ADGRG6: variants seen among roughly 807,000 people sequenced by gnomAD.
The protein encoded by ADGRG6 is adhesion G protein-coupled receptor G6, also known as G-protein coupled receptor 126.
In ADGRG6, 84 loss-of-function variants were observed where a neutral mutation model predicts 142.4. The observed-to-expected ratio is 0.59, with a 90% CI of 0.49 to 0.71. The LOEUF is 0.71. Among genes scored for constraint, ADGRG6 ranks in the 30% least tolerant of loss-of-function variants. The pLI is 0.00. For missense variants in ADGRG6, 1,367 were observed against 1,466.6 expected (o/e 0.93, Z 1.11); for synonymous variants, 521 against 520.5 (o/e 1.00, Z -0.01).
rs928444507 is a variant in ADGRG6 at position 142,445,334 on chromosome 6, T to C, written c.*1819T>C. On this transcript the variant is annotated 3_prime_UTR_variant, in exon 25 of 25. Transcript: ENST00000367609. ...AGCCAAATCCTTTTCAATAGGCATA[T>C]ATTAACAGGCTGCTTATTTTGGCGG... is the stretch of plus-strand genomic sequence containing the variant. The C allele has an allele frequency of 2.0e-5, 3 of 152,160 alleles. No homozygotes were observed. Among genetic ancestry groups the C allele is most frequent in the African/African-American group, 7.2e-5 (3 of 41,442 alleles). 9.4% of individuals were successfully genotyped at this position (152,160 alleles called of 1,614,324 possible). A position where few individuals can be genotyped will look rare whatever the true frequency, so the allele number is the denominator to read the frequency against.
chr6:142,324,884 T>C (rs1462972514), intron 2 of ADGRG6, among the ~76,000 whole-genome samples: 1 of 152,134 alleles, frequency 6.6e-6, no homozygotes, highest in Non-Finnish European at 1.5e-5. Flanking sequence ...GTATAGGTAC[T>C]GCAACGGGAA....
intron 2 of ADGRG6, among the ~76,000 whole-genome samples, chr6:142,311,348 T>G (rs1777760041): frequency 6.6e-6 from 1 of 151,906 alleles, no homozygotes; most frequent in Admixed American, 6.6e-5. Context: ...GCCAGAACAT[T>G]TTGTATTAAT....
In ADGRG6 at chr6:142,355,141, G is replaced by A. The variant is rs181428779; in HGVS notation, c.104-12428G>A. Among the ~76,000 whole-genome samples, 28 of 152,206 alleles carry A rather than the reference G, an allele frequency of 1.8e-4. No individual in the cohort carries two copies. In the East Asian group the frequency reaches 5.2e-3, roughly 28 times the overall value. The stretch of plus-strand genomic sequence containing the variant: ...GTCTTCCCATTAGATACTCTTCTCT[G>A]GAGGAGCAATATATTTGTATCTAAA... On this transcript the variant is annotated intron_variant, in intron 2 of 24. Coordinates refer to ENST00000367609, the MANE Select transcript of ADGRG6 (RefSeq NM_198569.3).
chr6:142,414,928 A>C, intron 18 of ADGRG6, 41 bp from the exon 19 acceptor site: 1 of 1,568,998 alleles, frequency 6.4e-7, no homozygotes, highest in Non-Finnish European at 8.6e-7. Context: ...CATTCTCATG[A>C]GAAGAGAGTT....
chr6:142,377,386 G>A (rs1433609811), intron 4 of ADGRG6, among the ~76,000 whole-genome samples: 4 of 152,164 alleles, frequency 2.6e-5, no homozygotes, highest in South Asian at 2.1e-4. Flanking sequence ...TGAATTCCCC[G>A]TGGCTCCACC....
At chr6:142,332,729 C>T (rs1020617190) in intron 2 of ADGRG6, among the ~76,000 whole-genome samples, 3 of 152,162 alleles carry the variant, frequency 2.0e-5, no homozygotes, top group African/African-American at 7.2e-5. Context: ...TTTTAGACAT[C>T]TATTGTTATC....
intron 2 of ADGRG6, among the ~76,000 whole-genome samples, chr6:142,319,242 G>A (rs1341977499): frequency 6.6e-6 from 1 of 152,094 alleles, no homozygotes; most frequent in Non-Finnish European, 1.5e-5. Context: ...ATATTTAGTT[G>A]TGACTGAGGG....
intron 7 of ADGRG6, among the ~76,000 whole-genome samples, chr6:142,392,549 C>T (rs1426181947): frequency 6.6e-6 from 1 of 151,734 alleles, no homozygotes; most frequent in Non-Finnish European, 1.5e-5. Flanking sequence ...TATTGCAAAT[C>T]TTCTTTAATA....
At chr6:142,405,432 T>C (rs1362940101) in intron 14 of ADGRG6, 2 of 573,410 alleles carry the variant, frequency 3.5e-6, no homozygotes, top group Non-Finnish European at 6.6e-6. Flanking sequence ...GACTGATTTA[T>C]AGATTTCTTC....
intron 18 of ADGRG6, 92 bp downstream of exon 18, chr6:142,411,503 G>A (rs1025064203): frequency 2.3e-5 from 17 of 738,668 alleles, no homozygotes; most frequent in Admixed American, 1.6e-4. Flanking sequence ...ATGTATTTTG[G>A]GAATTATTTC....
chr6:142,430,735 T>TA (rs1335598290), intron 22 of ADGRG6, among the ~76,000 whole-genome samples: 2 of 152,226 alleles, frequency 1.3e-5, no homozygotes, highest in East Asian at 3.8e-4. Context: ...TCAAACATGC[T>TA]ACTTGATTGT....
intron 2 of ADGRG6, among the ~76,000 whole-genome samples, chr6:142,349,542 A>G (rs1046644038): frequency 2.0e-5 from 3 of 152,038 alleles, no homozygotes; most frequent in Admixed American, 1.3e-4. Context: ...TCTGAGGGAA[A>G]CTCAACAGGG....
intron 2 of ADGRG6, among the ~76,000 whole-genome samples, chr6:142,361,551 C>A (rs915011766): frequency 1.3e-5 from 2 of 152,028 alleles, no homozygotes; most frequent in African/African-American, 4.8e-5. Flanking sequence ...CAGAGGCATC[C>A]AGTGCTGGAG....
chr6:142,308,058 T>C (rs1460289705), intron 1 of ADGRG6, among the ~76,000 whole-genome samples: 1 of 152,080 alleles, frequency 6.6e-6, no homozygotes, highest in African/African-American at 2.4e-5. Context: ...TCTTGTTTAC[T>C]CTTGCTTGAG....
At chr6:142,325,210 A>G (rs1778711439) in intron 2 of ADGRG6, among the ~76,000 whole-genome samples, 1 of 152,142 alleles carries the variant, frequency 6.6e-6, no homozygotes, top group African/African-American at 2.4e-5. Flanking sequence ...AAGGCCATGA[A>G]GTTTACATCT....
intron 2 of ADGRG6, among the ~76,000 whole-genome samples, chr6:142,318,360 A>ATATTTATATTAT (rs1562307976): frequency 1.9e-4 from 15 of 80,584 alleles, no homozygotes; most frequent in East Asian, 9.0e-4. Context: ...TATATTATAT[A>ATATTTATATTAT]ATATTTATAT....
At chr6:142,306,463 C>T (rs569073395) in intron 1 of ADGRG6, among the ~76,000 whole-genome samples, 1 of 152,238 alleles carries the variant, frequency 6.6e-6, no homozygotes, top group South Asian at 2.1e-4. Flanking sequence ...AGCCAAGTGA[C>T]AAAAAGGATC....
intron 24 of ADGRG6, among the ~76,000 whole-genome samples, chr6:142,439,958 T>C (rs536157674): frequency 3.9e-5 from 6 of 152,324 alleles, no homozygotes; most frequent in African/African-American, 1.4e-4. Context: ...TGATACTCAT[T>C]TTGCCTCCCC....
At chr6:142,302,944 G>A (rs1777301625) in intron 1 of ADGRG6, among the ~76,000 whole-genome samples, 1 of 152,146 alleles carries the variant, frequency 6.6e-6, no homozygotes. Context: ...TGGGGGGCGT[G>A]GGGAATTGGG....
Sources: gnomAD v4.1 joint callset for allele counts (sites outside exome capture counted in the v4.1 genomes callset) on GRCh38, gnomAD v4.1.1 for gene constraint, MANE v1.5 for transcripts, NCBI Gene and HGNC (gene_info 2026-07-23, HGNC 2026-07-21) for gene names.